Variants in SEMA6D observed in about 807,000 individuals in gnomAD.
SEMA6D encodes the protein semaphorin 6D.
Under a neutral mutation model 106.6 loss-of-function variants are expected in SEMA6D, and 35 were observed. The observed-to-expected ratio is 0.33, with a 90% CI of 0.25 to 0.44. The LOEUF (loss-of-function observed/expected upper bound fraction) is 0.44. Among genes scored for constraint, SEMA6D ranks in the 20% least tolerant of loss-of-function variants. The pLI, the probability that SEMA6D is intolerant of heterozygous loss-of-function variation, is 1.00. For synonymous variants in SEMA6D, 499 were observed against 487.7 expected, an observed-to-expected ratio of 1.02 and a Z score of -0.31; for missense variants, 1,185 against 1,345.9, an observed-to-expected ratio of 0.88 and a Z score of 1.87.
chr15:47,391,458 A>G (rs941261759), intron 1 of SEMA6D, among the ~76,000 whole-genome samples: 2 of 152,096 alleles, frequency 1.3e-5, no homozygotes, highest in African/African-American at 4.8e-5. Context: ...AATGGTTCCT[A>G]TTACTGCTTA....
chr15:47,316,019 G>A (rs1251601543), intron 1 of SEMA6D, among the ~76,000 whole-genome samples: 1 of 150,370 alleles, frequency 6.7e-6, no homozygotes, highest in Non-Finnish European at 1.5e-5. Flanking sequence ...CTACTCTTTT[G>A]GATTTTCTAC....
At chr15:47,362,220 T>A (rs585642) in intron 1 of SEMA6D, among the ~76,000 whole-genome samples, 136,033 of 151,952 alleles carry the variant, frequency 0.9, 61,243 homozygotes, top group African/African-American at 0.97. Flanking sequence ...TACATAGTCC[T>A]GTGGAAATCA....
At chr15:47,728,158 C>A (rs1027594269) in intron 1 of SEMA6D, among the ~76,000 whole-genome samples, 26 of 152,192 alleles carry the variant, frequency 1.7e-4, no homozygotes. Flanking sequence ...CCAGCCCTGG[C>A]CAACAGAATG....
chr15:47,409,893 G>A (rs966615396), intron 1 of SEMA6D, among the ~76,000 whole-genome samples: 3 of 151,994 alleles, frequency 2.0e-5, no homozygotes, highest in African/African-American at 7.2e-5. Context: ...ACTATTTTCG[G>A]GGTTGTGGGG....
chr15:47,730,183 G>A (rs1002006529), intron 1 of SEMA6D: 18 of 1,535,348 alleles, frequency 1.2e-5, no homozygotes, highest in African/African-American at 4.1e-5. Flanking sequence ...TTGCCTTTTC[G>A]AGCTTGGCGA....
rs138835365 is a variant in SEMA6D, at chr15:47,403,289, C to T, written c.-238-9104C>T. ...TCTCTGTTAGAAAAGAAAGGGCCCA[C>T]GGAAAAAGTGCAAAAGTGAGGAGAA... is the stretch of plus-strand genomic sequence containing the variant. On this transcript the variant is annotated intron_variant, in intron 1 of 19. Coordinates refer to the SEMA6D transcript ENST00000558014. Among the ~76,000 whole-genome samples the T allele has an allele frequency of 1.5e-3, 234 of 152,132 alleles. 1 individual carries two copies. The highest frequency in any genetic ancestry group is 3.9e-3 in the African/African-American group (161 of 41,492).
intron 1 of SEMA6D, among the ~76,000 whole-genome samples, chr15:47,398,928 T>C (rs2040308756): frequency 6.6e-6 from 1 of 152,142 alleles, no homozygotes; most frequent in South Asian, 2.1e-4. Flanking sequence ...GGCATAACCT[T>C]GGTCAAGACA....
chr15:47,759,242 G>A (rs1028094432), intron 1 of SEMA6D, among the ~76,000 whole-genome samples: 24 of 152,120 alleles, frequency 1.6e-4, no homozygotes, highest in Admixed American at 1.6e-3. Flanking sequence ...GGGTAATGCT[G>A]GGAATTTGGC....
chr15:47,276,896 A>G (rs577871476), intron 1 of SEMA6D, among the ~76,000 whole-genome samples: 2 of 152,316 alleles, frequency 1.3e-5, no homozygotes, highest in South Asian at 2.1e-4. Flanking sequence ...TATAAATGGC[A>G]TAAAGAGCAT....
At chr15:47,321,004 T>A (rs1212318526) in intron 1 of SEMA6D, among the ~76,000 whole-genome samples, 2 of 152,210 alleles carry the variant, frequency 1.3e-5, no homozygotes, top group Admixed American at 1.3e-4. Flanking sequence ...GACCTCACTA[T>A]GTAGCTTGAT....
At chr15:47,661,033 C>G (rs2077906598) in intron 4 of SEMA6D, among the ~76,000 whole-genome samples, 1 of 152,188 alleles carries the variant, frequency 6.6e-6, no homozygotes, top group African/African-American at 2.4e-5. Context: ...ACTTAATTTT[C>G]TAAGAAAAGC....
At chr15:47,245,918 C>G (rs1286966225) in intron 1 of SEMA6D, among the ~76,000 whole-genome samples, 2 of 152,018 alleles carry the variant, frequency 1.3e-5, no homozygotes, top group East Asian at 1.9e-4. Flanking sequence ...ACAGGGACAT[C>G]ACAGAATTAA....
chr15:47,490,628 G>A (rs1223875451), intron 3 of SEMA6D, among the ~76,000 whole-genome samples: 1 of 152,158 alleles, frequency 6.6e-6, no homozygotes, highest in Non-Finnish European at 1.5e-5. Flanking sequence ...CTGGGCAACA[G>A]AGTAAGGCTC....
intron 3 of SEMA6D, among the ~76,000 whole-genome samples, chr15:47,474,167 G>A (rs2042937156): frequency 6.6e-6 from 1 of 152,086 alleles, no homozygotes; most frequent in South Asian, 2.1e-4. Context: ...TCAGCTTGTC[G>A]CCTTGCTTTT....
intron 4 of SEMA6D, among the ~76,000 whole-genome samples, chr15:47,620,622 G>A (rs1308468265): frequency 6.6e-6 from 1 of 152,016 alleles, no homozygotes; most frequent in Non-Finnish European, 1.5e-5. Context: ...AGTGTGTCAT[G>A]ATCTAGTGGG....
rs148868422 is a variant in SEMA6D, at chr15:47,410,420, T to C, written c.-238-1973T>C. Among the ~76,000 whole-genome samples the C allele has an allele frequency of 6.6e-3, 1,005 of 152,326 alleles. 12 individuals are homozygous for C. Among genetic ancestry groups the C allele is most frequent in the Admixed American group, 0.023 (350 of 15,304 alleles). On this transcript the variant is annotated intron_variant, in intron 1 of 19. Coordinates refer to the SEMA6D transcript ENST00000558014. ...CTCCAAATAAGTGTTACTCACATGT[T>C]TTATTGATGGCAGTTTCTGATTTGT...
chr15:47,719,311 C>G (rs562197035), intron 1 of SEMA6D, among the ~76,000 whole-genome samples: 32 of 152,236 alleles, frequency 2.1e-4, no homozygotes, highest in African/African-American at 7.5e-4. Flanking sequence ...ACAGGGAAGG[C>G]GCAGCACATC....
chr15:47,739,614 T>TTGA (rs2080678087), intron 1 of SEMA6D, among the ~76,000 whole-genome samples: 1 of 152,240 alleles, frequency 6.6e-6, no homozygotes, highest in Non-Finnish European at 1.5e-5. Flanking sequence ...TTCTAATGTG[T>TTGA]TGACAGCCAT....
chr15:47,730,442 A>T, intron 1 of SEMA6D: 1 of 1,407,578 alleles, frequency 7.1e-7, no homozygotes, highest in Non-Finnish European at 1.0e-6. Context: ...CAAGAAGACA[A>T]CCAGCTCGAT....
Sources: gnomAD v4.1 joint callset for allele counts (sites outside exome capture counted in the v4.1 genomes callset) on GRCh38, gnomAD v4.1.1 for gene constraint, MANE v1.5 for transcripts, NCBI Gene and HGNC (gene_info 2026-07-23, HGNC 2026-07-21) for gene names.